Variants in LRRN2 observed in about 807,000 individuals in gnomAD.
The protein encoded by LRRN2 is leucine-rich repeat neuronal protein 2.
Under a neutral mutation model 35.7 loss-of-function variants are expected in LRRN2, and 10 were observed. The observed-to-expected ratio is 0.28, with a 90% CI of 0.17 to 0.47. LRRN2 has a LOEUF of 0.47. Ranked by LOEUF, LRRN2 falls within the 20% of genes least tolerant of loss-of-function variation. The pLI, the probability that LRRN2 is intolerant of heterozygous loss-of-function variation, is 0.99. For synonymous variants in LRRN2, 391 were observed against 409.6 expected (o/e 0.95, Z 0.55); for missense variants, 731 against 940.3 (o/e 0.78, Z 2.91).
At chr1:204,659,796 A>T (rs928836066) in intron 1 of LRRN2, among the ~76,000 whole-genome samples, 2 of 152,138 alleles carry the variant, frequency 1.3e-5, no homozygotes, top group African/African-American at 4.8e-5. Context: ...TATTATTATT[A>T]CTAAAACTGT....
At chr1:204,642,175 A>G (rs1479770241) in intron 1 of LRRN2, among the ~76,000 whole-genome samples, 1 of 152,172 alleles carries the variant, frequency 6.6e-6, no homozygotes, top group Non-Finnish European at 1.5e-5. Context: ...GGGAATTAAC[A>G]GGGGGAACAT....
At chr1:204,651,789 T>C (rs1398968101) in intron 1 of LRRN2, among the ~76,000 whole-genome samples, 1 of 152,122 alleles carries the variant, frequency 6.6e-6, no homozygotes, top group Non-Finnish European at 1.5e-5. Context: ...GAAAACTCTT[T>C]CAAATGGGGA....
intron 1 of LRRN2, among the ~76,000 whole-genome samples, chr1:204,682,348 A>T (rs764181411): frequency 2.0e-5 from 3 of 152,212 alleles, no homozygotes; most frequent in Non-Finnish European, 4.4e-5. Context: ...ACAACCGTTC[A>T]GCAAATCCTT....
intron 1 of LRRN2, among the ~76,000 whole-genome samples, chr1:204,638,107 A>G (rs10793713): frequency 0.59 from 71,592 of 120,330 alleles, 18,472 homozygotes; most frequent in Admixed American, 0.63. Flanking sequence ...TCACCCACCC[A>G]CCCCCCGCCC....
In LRRN2 at chr1:204,656,344, A is replaced by G. The variant is rs369500273; in HGVS notation, c.-227+28976T>C. On this transcript the variant is annotated intron_variant, in intron 1 of 1. Coordinates refer to ENST00000367177, the MANE Select transcript of LRRN2 (RefSeq NM_201630.2). ...GAAAAATTAGAAGGTATAGAAAAACATGGAGAAAATTTAAACAATCCCCTT... is the reference window on the plus strand; with the variant it reads ...GAAAAATTAGAAGGTATAGAAAAACGTGGAGAAAATTTAAACAATCCCCTT... Among the ~76,000 whole-genome samples, 27 of 152,378 alleles carry G rather than the reference A, an allele frequency of 1.8e-4. No individual in the cohort carries two copies. In the East Asian group the frequency reaches 2.5e-3, roughly 14 times the overall value.
At chr1:204,670,193 C>G (rs1668677326) in intron 1 of LRRN2, among the ~76,000 whole-genome samples, 1 of 151,934 alleles carries the variant, frequency 6.6e-6, no homozygotes, top group Non-Finnish European at 1.5e-5. Flanking sequence ...AGTGGATGGA[C>G]CCAGGTGCTG....
chr1:204,675,156 T>C (rs1314373577), intron 1 of LRRN2, among the ~76,000 whole-genome samples: 1 of 152,134 alleles, frequency 6.6e-6, no homozygotes, highest in Non-Finnish European at 1.5e-5. Context: ...AGACACGCTG[T>C]ATTTCAAACC....
chr1:204,673,052 C>T (rs914985395), intron 1 of LRRN2, among the ~76,000 whole-genome samples: 13 of 152,164 alleles, frequency 8.5e-5, no homozygotes, highest in African/African-American at 2.9e-4. Flanking sequence ...CTGCTACTAG[C>T]CTTCCGAAGG....
chr1:204,632,589 G>A (rs1667733115), intron 1 of LRRN2, among the ~76,000 whole-genome samples: 4 of 141,548 alleles, frequency 2.8e-5, no homozygotes, highest in African/African-American at 5.3e-5. Flanking sequence ...AGATCATGCC[G>A]CTGCACCCCA....
At chr1:204,645,376 T>A (rs1283901682) in intron 1 of LRRN2, among the ~76,000 whole-genome samples, 1 of 152,204 alleles carries the variant, frequency 6.6e-6, no homozygotes, top group Non-Finnish European at 1.5e-5. Flanking sequence ...GTGTGTGTGT[T>A]GGCATCTCTC....
intron 1 of LRRN2, among the ~76,000 whole-genome samples, chr1:204,622,909 T>C (rs998852480): frequency 3.9e-5 from 6 of 152,188 alleles, no homozygotes; most frequent in African/African-American, 9.7e-5. Flanking sequence ...GAGATTGTCA[T>C]TGGAGTTAAA....
At position 204,619,903 on chromosome 1, in the gene LRRN2, G is replaced by A. The variant is rs1434851241; in HGVS notation, c.90C>T (p.Pro30=). 1 of 1,613,918 alleles carries A rather than the reference G, an allele frequency of 6.2e-7. No individual in the cohort carries two copies. Among genetic ancestry groups the A allele is most frequent in the South Asian group, 1.1e-5 (1 of 91,054 alleles). ...GCCGGATCTGGCAGGCACACTGAGG[G>A]GGGCAGGGAACATGCCAGGGTACCA... ...VPVVPWHVPC[P]PQCACQIRPW... The change falls in exon 2 of 2, where the codon CCC becomes CCT. Residue 30 remains proline, a synonymous_variant. Coordinates refer to ENST00000367177, the MANE Select transcript of LRRN2 (RefSeq NM_201630.2).
chr1:204,682,509 A>G (rs924552310), intron 1 of LRRN2, among the ~76,000 whole-genome samples: 2 of 152,250 alleles, frequency 1.3e-5, no homozygotes, highest in African/African-American at 2.4e-5. Context: ...ATGGAGATCT[A>G]TATGACCCGG....
chr1:204,671,775 T>C (rs1225151691), intron 1 of LRRN2, among the ~76,000 whole-genome samples: 1 of 149,268 alleles, frequency 6.7e-6, no homozygotes, highest in Admixed American at 6.7e-5. Flanking sequence ...AGTGGTGGTG[T>C]GGGAGTCCTT....
intron 1 of LRRN2, among the ~76,000 whole-genome samples, chr1:204,646,308 TCTTGGGGTAGG>T (rs1392064981): frequency 6.6e-6 from 1 of 152,122 alleles, no homozygotes; most frequent in African/African-American, 2.4e-5. Context: ...TTCCATGCTT[TCTTGGGGTAGG>T]CTGTGTGCGT....
At position 204,676,173 on chromosome 1, in the gene LRRN2, T is replaced by C. The variant is rs57207268; in HGVS notation, c.-227+9147A>G. On this transcript the variant is annotated intron_variant, in intron 1 of 1. Transcript: ENST00000367177. Reference sequence around the variant, plus strand: ...GTGTGTGTGTGTGTGTGTGTGTGTGTACCCACCCATGCACACTTTACCTGT... The same window carrying C: ...GTGTGTGTGTGTGTGTGTGTGTGTGCACCCACCCATGCACACTTTACCTGT... 7.0e-5 allele frequency among the ~76,000 whole-genome samples: 10 copies of C among 142,846 alleles called. No homozygotes were observed. In the South Asian group the frequency reaches 9.0e-4, roughly 13 times the overall value. 93.7% of individuals were successfully genotyped at this position (142,846 alleles called of 152,430 possible).
At chr1:204,679,281 AC>A (rs1668888112) in intron 1 of LRRN2, among the ~76,000 whole-genome samples, 1 of 152,128 alleles carries the variant, frequency 6.6e-6, no homozygotes. Flanking sequence ...CTCACTTCCC[AC>A]CAGCTGGCCC....
intron 1 of LRRN2, among the ~76,000 whole-genome samples, chr1:204,647,083 G>T (rs1011738209): frequency 6.6e-6 from 1 of 152,082 alleles, no homozygotes; most frequent in African/African-American, 2.4e-5. Flanking sequence ...ATAGGCAAGG[G>T]GGTGCCCAAG....
At chr1:204,655,346 G>A (rs1668324583) in intron 1 of LRRN2, among the ~76,000 whole-genome samples, 2 of 152,236 alleles carry the variant, frequency 1.3e-5, no homozygotes, top group Non-Finnish European at 2.9e-5. Flanking sequence ...GGAGTGCAGT[G>A]GCGCGATCTG....
Sources: gnomAD v4.1 joint callset for allele counts (sites outside exome capture counted in the v4.1 genomes callset) on GRCh38, gnomAD v4.1.1 for gene constraint, MANE v1.5 for transcripts, NCBI Gene and HGNC (gene_info 2026-07-23, HGNC 2026-07-21) for gene names.